PDE4D: variants seen among roughly 807,000 people sequenced by gnomAD.
The protein encoded by PDE4D is phosphodiesterase 4D, also known as 3',5'-cyclic-AMP phosphodiesterase 4D.
A neutral mutation model predicts 87.4 loss-of-function variants in PDE4D; 24 were observed. The ratio of observed to expected loss-of-function variants is 0.27; its 90% CI spans 0.20 to 0.39. PDE4D has a LOEUF of 0.39. Among genes scored for constraint, PDE4D ranks in the 10% least tolerant of loss-of-function variants. The pLI is 1.00. For missense variants in PDE4D, 714 were observed against 1,041.0 expected (o/e 0.69, Z 4.32); for synonymous variants, 384 against 383.2 (o/e 1.00, Z -0.02).
intron 1 of PDE4D, among the ~76,000 whole-genome samples, chr5:59,715,775 A>G (rs749628753): frequency 1.3e-5 from 2 of 152,218 alleles, no homozygotes; most frequent in Non-Finnish European, 2.9e-5. Context: ...ATGCCCCTAA[A>G]GGTAGGGAAA....
At chr5:60,244,271 T>G (rs1181359042) in intron 1 of PDE4D, among the ~76,000 whole-genome samples, 1 of 151,814 alleles carries the variant, frequency 6.6e-6, no homozygotes, top group Non-Finnish European at 1.5e-5. Flanking sequence ...CAATGAAAAC[T>G]ATAAAACACT....
intron 2 of PDE4D, among the ~76,000 whole-genome samples, chr5:60,006,212 G>C (rs1158441556): frequency 1.3e-5 from 2 of 151,846 alleles, no homozygotes; most frequent in African/African-American, 4.8e-5. Context: ...AAAACTGGGT[G>C]ATGAGTATTT....
intron 1 of PDE4D, among the ~76,000 whole-genome samples, chr5:60,348,856 A>G (rs925131722): frequency 3.3e-5 from 5 of 152,146 alleles, no homozygotes; most frequent in African/African-American, 1.2e-4. Context: ...ATTTTCTTTG[A>G]AAACAGAATC....
chr5:60,352,808 G>A lies in PDE4D; in HGVS notation c.-90+135134C>T, dbSNP rs945987098. 5.9e-5 allele frequency among the ~76,000 whole-genome samples: 9 copies of A among 152,264 alleles called. No homozygotes were observed. The South Asian group carries it at 1.5e-3, about 25-fold the overall frequency. ...TGATTAGAGGGAAAATATGGAGTAC[G>A]TGTAAATATTCTGTGATGGATTTGA... On this transcript the variant is annotated intron_variant, in intron 1 of 16. Transcript: ENST00000502484.
intron 3 of PDE4D, among the ~76,000 whole-genome samples, chr5:59,946,272 G>T (rs1216545476): frequency 6.6e-6 from 1 of 152,154 alleles, no homozygotes; most frequent in African/African-American, 2.4e-5. Context: ...AATGATACTG[G>T]CAAAGTGGTG....
At chr5:60,075,309 C>CT (rs1320780535) in intron 2 of PDE4D, among the ~76,000 whole-genome samples, 1 of 152,182 alleles carries the variant, frequency 6.6e-6, no homozygotes. Flanking sequence ...GTTGGAATAT[C>CT]TTTTTTTGAA....
At chr5:59,383,583 A>G (rs1466579770) in intron 1 of PDE4D, among the ~76,000 whole-genome samples, 1 of 152,114 alleles carries the variant, frequency 6.6e-6, no homozygotes, top group Non-Finnish European at 1.5e-5. Context: ...CTACCACTCC[A>G]TATAAGCTAC....
At chr5:60,414,036 T>C (rs994117271) in intron 1 of PDE4D, among the ~76,000 whole-genome samples, 1 of 152,186 alleles carries the variant, frequency 6.6e-6, no homozygotes, top group Admixed American at 6.5e-5. Context: ...ACAGATACAA[T>C]TTCTCCCCTT....
intron 5 of PDE4D, among the ~76,000 whole-genome samples, chr5:59,128,015 C>CGTGTGTGTTT (rs1554075789): frequency 6.9e-6 from 1 of 144,332 alleles, no homozygotes; most frequent in African/African-American, 2.6e-5. Context: ...CTTTCAGAGC[C>CGTGTGTGTTT]GTGTGTGTGT....
intron 1 of PDE4D, among the ~76,000 whole-genome samples, chr5:59,793,474 C>T (rs1265438363): frequency 6.6e-6 from 1 of 152,166 alleles, no homozygotes; most frequent in Non-Finnish European, 1.5e-5. Context: ...TAGTTAACTC[C>T]TCTCACCTCC....
rs1185525785 is a variant in PDE4D at position 60,185,577 on chromosome 5, A to T, written c.22T>A (p.Leu8Met). The change falls in exon 2 of 17, where the codon TTG becomes ATG. Residue 8 changes from leucine (L) to methionine (M), a missense_variant. Physicochemically the swap from Leu to Met is conservative, Grantham distance 15 (BLOSUM62 2). Transcript: ENST00000502484. ...CTTACACTTTTGCTCCGAGAAAGCA[A>T]ATCACAGGTATTTCTTTTCATCGTG... 3.9e-6 allele frequency: 6 copies of T among 1,530,910 alleles called. No homozygotes were observed. In the South Asian group the frequency reaches 7.2e-5, roughly 18 times the overall value. The allele number at this position is 1,530,910 out of a possible 1,614,324, so 94.8% of individuals were successfully genotyped here. A position where few individuals can be genotyped will look rare whatever the true frequency, so the allele number is the denominator to read the frequency against.
rs139246782 is a variant in PDE4D, at chr5:59,250,002, A to T, written c.456-34034T>A. On this transcript the variant is annotated intron_variant, in intron 1 of 14. Transcript: ENST00000340635. ...GTACTACAGGGACACACCATAAAAA[A>T]ATAATTTTTATTTTTTATTTTTTGT... Among the ~76,000 whole-genome samples, 933 of 152,048 alleles carry T rather than the reference A, an allele frequency of 6.1e-3. 4 individuals are homozygous for T. Among genetic ancestry groups the T allele is most frequent in the Middle Eastern group, 0.041 (12 of 292 alleles).
chr5:59,043,690 T>C (rs1243127900), intron 5 of PDE4D, among the ~76,000 whole-genome samples: 1 of 152,182 alleles, frequency 6.6e-6, no homozygotes, highest in Non-Finnish European at 1.5e-5. Context: ...TATCTCCTAA[T>C]GCTATCCCTC....
chr5:60,126,697 C>T (rs1779151674), intron 2 of PDE4D, among the ~76,000 whole-genome samples: 1 of 152,134 alleles, frequency 6.6e-6, no homozygotes, highest in South Asian at 2.1e-4. Context: ...TAGCCATTAA[C>T]AGCCACTTCA....
chr5:59,462,648 A>G (rs1800947188), intron 1 of PDE4D, among the ~76,000 whole-genome samples: 1 of 152,194 alleles, frequency 6.6e-6, no homozygotes, highest in Non-Finnish European at 1.5e-5. Context: ...TGTTTAGTCC[A>G]GCAACCAGCA....
chr5:59,275,787 T>C (rs1188258131), intron 1 of PDE4D: 2 of 992,128 alleles, frequency 2.0e-6, no homozygotes. Flanking sequence ...TAAAGGTTTC[T>C]GACACTCGAA....
At chr5:59,185,496 C>T (rs907541827) in intron 3 of PDE4D, among the ~76,000 whole-genome samples, 2 of 152,144 alleles carry the variant, frequency 1.3e-5, no homozygotes, top group African/African-American at 4.8e-5. Flanking sequence ...GTGACAGTAG[C>T]AGCAGTTTCC....
At chr5:58,982,738 TCTAAGCACATCCTGCCACCTC>T (rs1265609385) in intron 11 of PDE4D, among the ~76,000 whole-genome samples, 1 of 152,172 alleles carries the variant, frequency 6.6e-6, no homozygotes, top group Non-Finnish European at 1.5e-5. Context: ...AGTCCATGTT[TCTAAGCACATCCTGCCACCTC>T]CATCCCTGCC....
At chr5:58,988,843 A>AT (rs1437671688) in intron 10 of PDE4D, among the ~76,000 whole-genome samples, 5 of 152,156 alleles carry the variant, frequency 3.3e-5, no homozygotes, top group Non-Finnish European at 7.4e-5. Flanking sequence ...TTAAAATATT[A>AT]TTTTAAAACT....
Sources: allele counts gnomAD v4.1 joint callset (sites outside exome capture counted in the v4.1 genomes callset), GRCh38; gene constraint gnomAD v4.1.1; transcripts MANE v1.5; gene names NCBI Gene and HGNC (gene_info 2026-07-23, HGNC 2026-07-21).